Variants in SLC2A9 observed in about 807,000 individuals in gnomAD.
The protein encoded by SLC2A9 is solute carrier family 2, facilitated glucose transporter member 9.
A neutral mutation model predicts 50.6 loss-of-function variants in SLC2A9; 39 were observed. The ratio of observed to expected loss-of-function variants is 0.77; its 90% CI spans 0.60 to 1.01. SLC2A9 has a LOEUF of 1.01. Ranked by LOEUF, SLC2A9 falls within the 50% of genes least tolerant of loss-of-function variation. The pLI, the probability that SLC2A9 is intolerant of heterozygous loss-of-function variation, is 0.00. For synonymous variants in SLC2A9, 324 were observed against 276.9 expected, an observed-to-expected ratio of 1.17 and a Z score of -1.69; for missense variants, 686 against 677.6, an observed-to-expected ratio of 1.01 and a Z score of -0.14.
rs372349782 is a variant in SLC2A9, at chr4:9,983,602, T to G, written c.535+2067A>C. ...CAGGTCATCCAGCCACTGACCAACC[T>G]GAAGCCACCGCAGACACATGAGAAG... is the stretch of plus-strand genomic sequence containing the variant. On this transcript the variant is annotated intron_variant, in intron 4 of 11. Transcript: ENST00000264784. 3.1e-4 allele frequency among the ~76,000 whole-genome samples: 47 copies of G among 152,144 alleles called. 2 individuals carry two copies. In the South Asian group the frequency reaches 9.8e-3, roughly 32 times the overall value.
chr4:9,841,658 G>A (rs1471032675), intron 10 of SLC2A9, among the ~76,000 whole-genome samples: 1 of 152,094 alleles, frequency 6.6e-6, no homozygotes, highest in Non-Finnish European at 1.5e-5. Context: ...AATTGGTTAG[G>A]GGTGTCAGCA....
chr4:10,024,813 G>A (rs536920580), upstream of SLC2A9, among the ~76,000 whole-genome samples: 7 of 152,344 alleles, frequency 4.6e-5, no homozygotes, highest in African/African-American at 1.7e-4. Context: ...TAGCAGGGAA[G>A]AGTTGGAAAA....
intron 10 of SLC2A9, among the ~76,000 whole-genome samples, chr4:9,873,714 A>G (rs1440611526): frequency 1.3e-5 from 2 of 152,338 alleles, no homozygotes; most frequent in African/African-American, 2.4e-5. Flanking sequence ...GGAGGAAATC[A>G]TCTAGCTGAG....
intron 10 of SLC2A9, among the ~76,000 whole-genome samples, chr4:9,878,535 G>A (rs567099156): frequency 1.3e-5 from 2 of 152,182 alleles, no homozygotes; most frequent in South Asian, 2.1e-4. Flanking sequence ...TATCCACAGA[G>A]GGCATGAAAG....
At chr4:9,970,071 A>G (rs1753645268) in intron 5 of SLC2A9, among the ~76,000 whole-genome samples, 2 of 152,238 alleles carry the variant, frequency 1.3e-5, no homozygotes, top group Non-Finnish European at 1.5e-5. Flanking sequence ...GCCAGGTGGA[A>G]AACTGTGAGT....
At chr4:9,978,779 G>C (rs969491299) in intron 5 of SLC2A9, among the ~76,000 whole-genome samples, 2 of 152,194 alleles carry the variant, frequency 1.3e-5, no homozygotes, top group Non-Finnish European at 2.9e-5. Flanking sequence ...CATAATAAAA[G>C]ATCAGAAGCA....
At chr4:9,805,816 C>A (rs1009838357) in intron 3 of SLC2A9, among the ~76,000 whole-genome samples, 1 of 151,178 alleles carries the variant, frequency 6.6e-6, no homozygotes, top group African/African-American at 2.4e-5. Context: ...TTATTGTGTG[C>A]TTATTAAGTG....
At chr4:9,847,983 C>G (rs1172259354) in intron 10 of SLC2A9, among the ~76,000 whole-genome samples, 1 of 152,094 alleles carries the variant, frequency 6.6e-6, no homozygotes, top group African/African-American at 2.4e-5. Flanking sequence ...CTTAGGGACC[C>G]CCTAGGCCAG....
chr4:9,816,967 A>G (rs1560146908), intron 3 of SLC2A9, among the ~76,000 whole-genome samples: 1 of 152,120 alleles, frequency 6.6e-6, no homozygotes, highest in East Asian at 1.9e-4. Flanking sequence ...GGGATAATAC[A>G]TTTCTTTTCC....
At chr4:10,038,572 A>T (rs1764181448) in intron 1 of SLC2A9, among the ~76,000 whole-genome samples, 1 of 152,084 alleles carries the variant, frequency 6.6e-6, no homozygotes. Context: ...CCACGGAACA[A>T]AGTGTTCCTC....
chr4:9,935,667 G>A (rs899425298), intron 6 of SLC2A9, among the ~76,000 whole-genome samples: 4 of 152,296 alleles, frequency 2.6e-5, no homozygotes, highest in Admixed American at 1.3e-4. Flanking sequence ...CAACAAGATT[G>A]CTGTCCAAGA....
chr4:9,844,143 A>T (rs1728530801), intron 10 of SLC2A9, among the ~76,000 whole-genome samples: 1 of 97,116 alleles, frequency 1.0e-5, no homozygotes, highest in African/African-American at 4.2e-5. Flanking sequence ...GAAGAGCCAG[A>T]TTTAGTAAAA....
chr4:9,991,360 T>C (rs1757687604), intron 3 of SLC2A9, among the ~76,000 whole-genome samples: 2 of 152,218 alleles, frequency 1.3e-5, no homozygotes, highest in South Asian at 4.1e-4. Context: ...TGCTCAGTCA[T>C]GGACTAAACT....
intron 11 of SLC2A9, among the ~76,000 whole-genome samples, chr4:9,827,903 T>C (rs559811939): frequency 1.3e-5 from 2 of 152,336 alleles, no homozygotes; most frequent in South Asian, 4.1e-4. Context: ...CCATTTAAGA[T>C]AGAATTTCAA....
chr4:9,861,301 A>C (rs562606352), intron 10 of SLC2A9, among the ~76,000 whole-genome samples: 26 of 152,146 alleles, frequency 1.7e-4, no homozygotes, highest in Non-Finnish European at 3.5e-4. Flanking sequence ...GGTACCACAC[A>C]CTTTTAAACG....
intron 3 of SLC2A9, among the ~76,000 whole-genome samples, chr4:9,791,509 T>A (rs1224862376): frequency 2.6e-5 from 4 of 151,932 alleles, no homozygotes; most frequent in Non-Finnish European, 5.9e-5. Flanking sequence ...GGGGAGGAGA[T>A]TTTTAGGGAT....
upstream of SLC2A9, among the ~76,000 whole-genome samples, chr4:10,026,404 T>C (rs184874275): frequency 9.2e-5 from 14 of 152,282 alleles, no homozygotes; most frequent in Admixed American, 6.5e-4. Context: ...TTGTATAGGA[T>C]TGTCTTTGCT....
At chr4:9,869,140 A>T (rs1284314970) in intron 10 of SLC2A9, among the ~76,000 whole-genome samples, 1 of 152,216 alleles carries the variant, frequency 6.6e-6, no homozygotes, top group Non-Finnish European at 1.5e-5. Context: ...CTAATCCGTA[A>T]GACAGAGACA....
intron 10 of SLC2A9, among the ~76,000 whole-genome samples, chr4:9,845,126 G>C (rs1408735316): frequency 1.3e-5 from 2 of 151,834 alleles, no homozygotes; most frequent in Non-Finnish European, 2.9e-5. Context: ...CCATTCTCCT[G>C]CCTCAGCCTC....
Sources: gnomAD v4.1 joint callset for allele counts (sites outside exome capture counted in the v4.1 genomes callset) on GRCh38, gnomAD v4.1.1 for gene constraint, MANE v1.5 for transcripts, NCBI Gene and HGNC (gene_info 2026-07-23, HGNC 2026-07-21) for gene names.